ST3GAL1: variants seen among roughly 807,000 people sequenced by gnomAD.
ST3GAL1 encodes CMP-N-acetylneuraminate-beta-galactosamide-alpha-2,3-sialyltransferase 1.
In ST3GAL1, 16 loss-of-function variants were observed where a neutral mutation model predicts 34.1. The ratio of observed to expected loss-of-function variants is 0.47; its 90% CI spans 0.32 to 0.71. The LOEUF (loss-of-function observed/expected upper bound fraction) is 0.71. Ranked by LOEUF, ST3GAL1 falls within the 30% of genes least tolerant of loss-of-function variation. The pLI, the probability that ST3GAL1 is intolerant of heterozygous loss-of-function variation, is 0.04. For missense variants in ST3GAL1, 353 were observed against 447.4 expected, an observed-to-expected ratio of 0.79 and a Z score of 1.90; for synonymous variants, 191 against 184.7, an observed-to-expected ratio of 1.03 and a Z score of -0.28.
intron 3 of ST3GAL1, among the ~76,000 whole-genome samples, chr8:133,497,456 A>ATTTTTTT (rs1159737986): frequency 4.9e-4 from 10 of 20,380 alleles, no homozygotes; most frequent in African/African-American, 1.5e-3. Flanking sequence ...TTTTGTTGGA[A>ATTTTTTT]TTTTTTTTTT....
At chr8:133,550,577 C>A (rs1456221656) in intron 1 of ST3GAL1, among the ~76,000 whole-genome samples, 1 of 152,124 alleles carries the variant, frequency 6.6e-6, no homozygotes, top group Non-Finnish European at 1.5e-5. Context: ...TGTTCCAGCC[C>A]ATTCATCCCT....
intron 3 of ST3GAL1, among the ~76,000 whole-genome samples, chr8:133,491,557 C>T (rs1234354473): frequency 6.6e-6 from 1 of 152,174 alleles, no homozygotes; most frequent in Non-Finnish European, 1.5e-5. Flanking sequence ...TAAAGAGGCC[C>T]CTTTCTCCCT....
chr8:133,540,852 G>GAGACATATATAT (rs1818463255), intron 2 of ST3GAL1, among the ~76,000 whole-genome samples: 1 of 74,152 alleles, frequency 1.3e-5, no homozygotes, highest in Non-Finnish European at 2.7e-5. Context: ...CATATATATA[G>GAGACATATATAT]AGACATATAT....
At chr8:133,532,751 C>T (rs565960163) in intron 2 of ST3GAL1, among the ~76,000 whole-genome samples, 4 of 152,214 alleles carry the variant, frequency 2.6e-5, no homozygotes, top group African/African-American at 9.6e-5. Context: ...TAGCAATTTG[C>T]CAGAACTGTT....
At chr8:133,524,286 C>T (rs1400380429) in intron 2 of ST3GAL1, among the ~76,000 whole-genome samples, 1 of 152,200 alleles carries the variant, frequency 6.6e-6, no homozygotes, top group East Asian at 1.9e-4. Flanking sequence ...AGAACTTGTG[C>T]AAGGTCTCCC....
Position 133,526,238 on chromosome 8 carries a change from C to A in ST3GAL1, c.-429+19536G>T, listed in dbSNP as rs556495231. Among the ~76,000 whole-genome samples, 266 of 152,324 alleles carry A rather than the reference C, an allele frequency of 1.7e-3. 2 individuals are homozygous for A. Among genetic ancestry groups the A allele is most frequent in the African/African-American group, 5.7e-3 (239 of 41,578 alleles). On this transcript the variant is annotated intron_variant, in intron 2 of 9. Transcript: ENST00000522652. Reference sequence around the variant, plus strand: ...ACCTTTGCAAACATGGCAACTCTACCCATCCCTGTGTCTCCTAGACACTAG... The same window carrying A: ...ACCTTTGCAAACATGGCAACTCTACACATCCCTGTGTCTCCTAGACACTAG...
chr8:133,542,407 G>A (rs1327167758), intron 2 of ST3GAL1, among the ~76,000 whole-genome samples: 1 of 152,184 alleles, frequency 6.6e-6, no homozygotes, highest in African/African-American at 2.4e-5. Flanking sequence ...CAACGTAAAT[G>A]TCAAAATAAC....
At chr8:133,482,414 C>T (rs565163540) in intron 3 of ST3GAL1, among the ~76,000 whole-genome samples, 2 of 152,254 alleles carry the variant, frequency 1.3e-5, no homozygotes, top group South Asian at 4.2e-4. Context: ...CCCAGAGAGG[C>T]CCCAGAGGTG....
At chr8:133,482,936 A>T (rs1816451807) in intron 3 of ST3GAL1, among the ~76,000 whole-genome samples, 1 of 152,240 alleles carries the variant, frequency 6.6e-6, no homozygotes. Flanking sequence ...CAACAAAGGC[A>T]TGAGAGACCT....
intron 2 of ST3GAL1, among the ~76,000 whole-genome samples, chr8:133,531,435 CAAT>C (rs1206059697): frequency 6.6e-6 from 1 of 152,026 alleles, no homozygotes; most frequent in Non-Finnish European, 1.5e-5. Context: ...GTAACTCTTA[CAAT>C]AATCCTACGA....
intron 3 of ST3GAL1, among the ~76,000 whole-genome samples, chr8:133,488,884 G>A (rs1586610274): frequency 1.3e-5 from 2 of 152,088 alleles, no homozygotes; most frequent in African/African-American, 4.8e-5. Flanking sequence ...GGCCAGGCAA[G>A]GTCTGGTGGC....
intron 2 of ST3GAL1, among the ~76,000 whole-genome samples, chr8:133,528,943 C>T (rs1336404536): frequency 6.6e-6 from 1 of 152,234 alleles, no homozygotes; most frequent in Non-Finnish European, 1.5e-5. Flanking sequence ...AGTAAATACA[C>T]TTGCTGGATG....
At chr8:133,537,801 AAC>A (rs1328579534) in intron 2 of ST3GAL1, among the ~76,000 whole-genome samples, 1 of 152,152 alleles carries the variant, frequency 6.6e-6, no homozygotes, top group Non-Finnish European at 1.5e-5. Context: ...TGTTCCTACA[AAC>A]ACAGGGCCCG....
At chr8:133,569,862 C>G (rs1381048959) in intron 1 of ST3GAL1, among the ~76,000 whole-genome samples, 1 of 152,236 alleles carries the variant, frequency 6.6e-6, no homozygotes, top group African/African-American at 2.4e-5. Context: ...GGAGGCTCCG[C>G]CCGCAGCTTC....
At chr8:133,519,390 C>T (rs751154351) in intron 2 of ST3GAL1, among the ~76,000 whole-genome samples, 3 of 152,170 alleles carry the variant, frequency 2.0e-5, no homozygotes, top group Non-Finnish European at 4.4e-5. Flanking sequence ...CACACAGGCA[C>T]ACCCTAGGCC....
chr8:133,492,032 C>T (rs1350784280), intron 3 of ST3GAL1, among the ~76,000 whole-genome samples: 5 of 152,114 alleles, frequency 3.3e-5, no homozygotes, highest in Non-Finnish European at 7.4e-5. Flanking sequence ...GGGCAAGGAT[C>T]GGCACCACGG....
At chr8:133,462,420 A>C (rs1356514578) in intron 8 of ST3GAL1, among the ~76,000 whole-genome samples, 1 of 152,192 alleles carries the variant, frequency 6.6e-6, no homozygotes, top group Non-Finnish European at 1.5e-5. Context: ...GCCAATCCTT[A>C]AAATGACCTC....
intron 2 of ST3GAL1, among the ~76,000 whole-genome samples, chr8:133,528,026 T>G (rs1332989483): frequency 6.8e-6 from 1 of 146,862 alleles, no homozygotes; most frequent in African/African-American, 2.5e-5. Context: ...AAAAAAAAAA[T>G]TAGCTGGGTG....
chr8:133,555,818 T>G (rs1818996680), intron 1 of ST3GAL1, among the ~76,000 whole-genome samples: 2 of 152,186 alleles, frequency 1.3e-5, no homozygotes, highest in South Asian at 4.1e-4. Flanking sequence ...AGTCCCAGCT[T>G]GAAGGCCATC....
Sources: allele counts gnomAD v4.1 joint callset (sites outside exome capture counted in the v4.1 genomes callset), GRCh38; gene constraint gnomAD v4.1.1; transcripts MANE v1.5; gene names NCBI Gene and HGNC (gene_info 2026-07-23, HGNC 2026-07-21).